The following KPNA3 variants were observed in gnomAD, a reference collection of about 807,000 sequenced individuals.
The protein encoded by KPNA3 is importin subunit alpha-4.
Under a neutral mutation model 73.8 loss-of-function variants are expected in KPNA3, and 13 were observed. The observed-to-expected ratio is 0.18, with a 90% CI of 0.11 to 0.28. The LOEUF (loss-of-function observed/expected upper bound fraction) is 0.28. Among genes scored for constraint, KPNA3 ranks in the 10% least tolerant of loss-of-function variants. KPNA3 has a pLI of 1.00. For synonymous variants in KPNA3, 186 were observed against 206.9 expected, an observed-to-expected ratio of 0.90 and a Z score of 0.87; for missense variants, 360 against 618.1, an observed-to-expected ratio of 0.58 and a Z score of 4.43.
At chr13:49,735,157 T>C (rs1265697366) in intron 2 of KPNA3, among the ~76,000 whole-genome samples, 1 of 152,186 alleles carries the variant, frequency 6.6e-6, no homozygotes, top group African/African-American at 2.4e-5. Context: ...GTTTTTGCTC[T>C]TGTTGCCCAG....
chr13:49,711,499 T>C (rs535280975), intron 10 of KPNA3, among the ~76,000 whole-genome samples: 105 of 152,272 alleles, frequency 6.9e-4, no homozygotes, highest in East Asian at 5.8e-4. Flanking sequence ...AGTAAACCAA[T>C]AAAAGAAATG....
At chr13:49,790,024 A>G (rs947434240) in intron 1 of KPNA3, among the ~76,000 whole-genome samples, 2 of 152,194 alleles carry the variant, frequency 1.3e-5, no homozygotes, top group African/African-American at 4.8e-5. Flanking sequence ...CCCCCACTGG[A>G]CTGTAAACTC....
At chr13:49,743,703 T>C (rs1466041043) in intron 2 of KPNA3, among the ~76,000 whole-genome samples, 2 of 151,924 alleles carry the variant, frequency 1.3e-5, no homozygotes, top group African/African-American at 4.8e-5. Context: ...AGGAGGAGGA[T>C]CAAGTAACCA....
chr13:49,703,890 C>T lies in KPNA3; in HGVS notation c.1373-1410G>A, dbSNP rs149440115. Among the ~76,000 whole-genome samples, 643 of 152,180 alleles carry T rather than the reference C, an allele frequency of 4.2e-3. 6 individuals are homozygous for T. Among genetic ancestry groups the T allele is most frequent in the African/African-American group, 0.015 (611 of 41,526 alleles). The stretch of plus-strand genomic sequence containing the variant: ...GAAATCGTTGCCAAAGTGCTTTATA[C>T]AATTATAAAATATTAATATGTATCC... On this transcript the variant is annotated intron_variant, in intron 15 of 16. Transcript: ENST00000261667.
At chr13:49,767,995 G>A (rs1316682106) in intron 1 of KPNA3, among the ~76,000 whole-genome samples, 2 of 151,994 alleles carry the variant, frequency 1.3e-5, no homozygotes, top group African/African-American at 4.8e-5. Context: ...CTTTCAAACT[G>A]TGTCTTTGTA....
At chr13:49,752,511 C>T (rs572652474) in intron 1 of KPNA3, among the ~76,000 whole-genome samples, 6 of 152,176 alleles carry the variant, frequency 3.9e-5, no homozygotes, top group Admixed American at 1.3e-4. Flanking sequence ...GTGATAAAAA[C>T]TATCCTAGAA....
In KPNA3 at chr13:49,726,506, T is replaced by C. The variant is rs143052943; in HGVS notation, c.384-1005A>G. Among the ~76,000 whole-genome samples, 279 of 152,128 alleles carry C rather than the reference T, an allele frequency of 1.8e-3. 2 individuals are homozygous for C. Among genetic ancestry groups the C allele is most frequent in the Admixed American group, 4.3e-3 (66 of 15,280 alleles). On this transcript the variant is annotated intron_variant, in intron 6 of 16. Coordinates refer to ENST00000261667, the MANE Select transcript of KPNA3 (RefSeq NM_002267.4). ...AAGCAAGTAACAGGGTGTTTGTGCA[T>C]GTGTGTGTGTGTTTCAGGATGGGAG...
chr13:49,725,620 A>C, intron 6 of KPNA3, 119 bp from the exon 7 acceptor site: 1 of 567,814 alleles, frequency 1.8e-6, no homozygotes. Flanking sequence ...CCTTGTTATA[A>C]TCCAATTGCC....
At chr13:49,789,948 G>GT (rs939426934) in intron 1 of KPNA3, among the ~76,000 whole-genome samples, 4 of 151,970 alleles carry the variant, frequency 2.6e-5, no homozygotes, top group African/African-American at 9.7e-5. Flanking sequence ...CCTCCAAGTA[G>GT]TTTTTTTGGC....
chr13:49,754,475 G>T (rs992554824), intron 1 of KPNA3, among the ~76,000 whole-genome samples: 4 of 151,728 alleles, frequency 2.6e-5, no homozygotes, highest in African/African-American at 9.7e-5. Context: ...AAGAGAGAAA[G>T]TCTCAAACCA....
intron 6 of KPNA3, among the ~76,000 whole-genome samples, chr13:49,730,718 A>C: frequency 6.7e-6 from 1 of 148,296 alleles, no homozygotes; most frequent in Non-Finnish European, 1.5e-5. Flanking sequence ...TGCTGCACCC[A>C]TTAACTCGTC....
intron 12 of KPNA3, among the ~76,000 whole-genome samples, chr13:49,709,350 G>A (rs567783737): frequency 1.2e-4 from 18 of 146,572 alleles, no homozygotes; most frequent in Non-Finnish European, 1.5e-4. Context: ...GCAGTGAGCC[G>A]AGATCGTGCC....
intron 1 of KPNA3, among the ~76,000 whole-genome samples, chr13:49,774,614 CTA>C (rs1954881437): frequency 6.6e-6 from 1 of 152,124 alleles, no homozygotes. Context: ...CCAATATTTA[CTA>C]TGTTACCAAA....
intron 2 of KPNA3, 64 bp downstream of exon 2, chr13:49,746,885 G>T: frequency 8.3e-7 from 1 of 1,208,396 alleles, no homozygotes; most frequent in Non-Finnish European, 1.2e-6. Context: ...CATTATTCAA[G>T]ATACACAGAA....
intron 12 of KPNA3, among the ~76,000 whole-genome samples, chr13:49,707,783 T>C (rs1954221604): frequency 6.6e-6 from 1 of 152,138 alleles, no homozygotes. Context: ...GGCTTCTTTG[T>C]CTTCACTGGA....
At chr13:49,719,741 C>CA in intron 10 of KPNA3, 34 bp downstream of exon 10, 1 of 1,518,006 alleles carries the variant, frequency 6.6e-7, no homozygotes, top group Non-Finnish European at 9.1e-7. Flanking sequence ...CCATCAAGAG[C>CA]AAAATCCCAC....
intron 8 of KPNA3, 137 bp from the exon 9 acceptor site, chr13:49,722,261 T>C: frequency 2.8e-6 from 2 of 722,160 alleles, no homozygotes; most frequent in Non-Finnish European, 2.2e-6. Flanking sequence ...GTGTTGTTTC[T>C]CCAGATTTTG....
At chr13:49,743,277 A>G (rs913686423) in intron 2 of KPNA3, among the ~76,000 whole-genome samples, 1 of 152,148 alleles carries the variant, frequency 6.6e-6, no homozygotes, top group Non-Finnish European at 1.5e-5. Flanking sequence ...TCCTCAATGG[A>G]GCAATAGAGA....
At chr13:49,731,380 C>A (rs922465935) in intron 6 of KPNA3, among the ~76,000 whole-genome samples, 7 of 151,496 alleles carry the variant, frequency 4.6e-5, no homozygotes, top group Admixed American at 2.0e-4. Flanking sequence ...TGAGCCACTG[C>A]GTCCAGCCAG....
Sources: allele counts gnomAD v4.1 joint callset (sites outside exome capture counted in the v4.1 genomes callset), GRCh38; gene constraint gnomAD v4.1.1; transcripts MANE v1.5; gene names NCBI Gene and HGNC (gene_info 2026-07-23, HGNC 2026-07-21).